Variants in RIMS1 observed in about 807,000 individuals in gnomAD.
RIMS1 encodes regulating synaptic membrane exocytosis 1.
Under a neutral mutation model 214.1 loss-of-function variants are expected in RIMS1, and 83 were observed. The observed-to-expected ratio is 0.39, with a 90% CI of 0.32 to 0.47. RIMS1 has a LOEUF of 0.47. RIMS1 is among the 20% of genes least tolerant of loss of function. The pLI is 0.99. For missense variants in RIMS1, 2,050 were observed against 2,161.8 expected, an observed-to-expected ratio of 0.95 and a Z score of 1.03; for synonymous variants, 793 against 786.8, an observed-to-expected ratio of 1.01 and a Z score of -0.13.
At chr6:72,097,554 T>C (rs1158595649) in intron 3 of RIMS1, among the ~76,000 whole-genome samples, 1 of 152,210 alleles carries the variant, frequency 6.6e-6, no homozygotes, top group Non-Finnish European at 1.5e-5. Context: ...TCAGATTGAA[T>C]GCACGTAAAA....
At chr6:71,889,590 C>G (rs899442617) in intron 1 of RIMS1, among the ~76,000 whole-genome samples, 1 of 152,128 alleles carries the variant, frequency 6.6e-6, no homozygotes, top group Non-Finnish European at 1.5e-5. Flanking sequence ...GTTTTGGAAT[C>G]CCAGTTTGCT....
intron 29 of RIMS1, among the ~76,000 whole-genome samples, chr6:72,367,490 A>G (rs969922050): frequency 2.0e-5 from 3 of 152,196 alleles, no homozygotes; most frequent in Non-Finnish European, 4.4e-5. Flanking sequence ...CAAAGGAAAC[A>G]TATGTGTTAA....
chr6:71,942,258 G>A (rs1455378950), intron 1 of RIMS1, among the ~76,000 whole-genome samples: 1 of 152,110 alleles, frequency 6.6e-6, no homozygotes, highest in Non-Finnish European at 1.5e-5. Context: ...CTAATTCTAT[G>A]TTCATTGCTG....
At chr6:72,137,943 A>G (rs1306153340) in intron 4 of RIMS1, among the ~76,000 whole-genome samples, 4 of 151,852 alleles carry the variant, frequency 2.6e-5, no homozygotes, top group Non-Finnish European at 5.9e-5. Context: ...TCACCATGTT[A>G]GCCAGGATGG....
chr6:72,080,861 G>A (rs1643728926), intron 2 of RIMS1, among the ~76,000 whole-genome samples: 1 of 152,092 alleles, frequency 6.6e-6, no homozygotes, highest in Admixed American at 6.6e-5. Flanking sequence ...TAAAAAAACA[G>A]GGAAATCAGT....
At position 71,969,051 on chromosome 6, in the gene RIMS1, A is replaced by ACCAACCTTC; in HGVS notation, c.234_242dup (p.Gln79_Ser81dup). ...CCAAGAAATGCTGAAAACCAGCCCCACCAACCTTCACCGTGAGTATGGCAT... is the reference window on the plus strand; with the variant it reads ...CCAAGAAATGCTGAAAACCAGCCCCACCAACCTTCCCAACCTTCACCGTGAGTATGGCAT... On this transcript the variant is annotated inframe_insertion, in exon 2 of 34. Coordinates refer to ENST00000521978, the MANE Select transcript of RIMS1 (RefSeq NM_014989.7). 6.2e-7 allele frequency: 1 copy of ACCAACCTTC among 1,613,984 alleles called. No homozygotes were observed. Among genetic ancestry groups the ACCAACCTTC allele is most frequent in the Non-Finnish European group, 8.5e-7 (1 of 1,179,842 alleles).
intron 16 of RIMS1, 52 bp downstream of exon 16, chr6:72,252,884 T>C (rs1464331065): frequency 1.2e-5 from 16 of 1,391,228 alleles, no homozygotes; most frequent in Non-Finnish European, 1.5e-5. Context: ...TTGCTTGTTT[T>C]CTCTGTCAGC....
chr6:72,179,880 T>G lies in RIMS1; in HGVS notation c.777T>G (p.Ala259=). The G allele has an allele frequency of 1.9e-6, 3 of 1,572,280 alleles. No homozygotes were observed. The highest frequency in any genetic ancestry group is 2.6e-6 in the Non-Finnish European group (3 of 1,160,126). The change falls in exon 5 of 34, where the codon GCT becomes GCG. Residue 259 remains alanine (A), a synonymous_variant. Coordinates refer to ENST00000521978, the MANE Select transcript of RIMS1 (RefSeq NM_014989.7). ...CCTTGGGGCCTGAACAGAAGCAGGC[T>G]TCATCCAGGTCTAGAAGTGAACCTC... ...QQALGPEQKQ[A]SSRSRSEPPR... is the part of the protein sequence containing the mutation.
intron 2 of RIMS1, among the ~76,000 whole-genome samples, chr6:72,021,940 C>T (rs755775081): frequency 3.3e-5 from 5 of 152,078 alleles, no homozygotes; most frequent in African/African-American, 1.2e-4. Context: ...TAAAAAGTGG[C>T]CCATGGCCAT....
At chr6:72,153,112 T>G (rs541277945) in intron 4 of RIMS1, among the ~76,000 whole-genome samples, 6 of 146,790 alleles carry the variant, frequency 4.1e-5, no homozygotes, top group South Asian at 2.1e-4. Flanking sequence ...TGTATATATA[T>G]GGAATATATG....
intron 26 of RIMS1, among the ~76,000 whole-genome samples, chr6:72,294,951 C>G (rs1370860281): frequency 6.6e-6 from 1 of 151,624 alleles, no homozygotes; most frequent in African/African-American, 2.4e-5. Context: ...GCAAAGACTT[C>G]CACAAAATTT....
chr6:72,237,587 G>A (rs946600095), intron 8 of RIMS1, among the ~76,000 whole-genome samples: 5 of 150,844 alleles, frequency 3.3e-5, no homozygotes, highest in African/African-American at 4.9e-5. Context: ...AAAGTTAAAG[G>A]ATCACTTGAG....
chr6:72,118,456 T>A (rs1012412293), intron 4 of RIMS1, among the ~76,000 whole-genome samples: 4 of 150,912 alleles, frequency 2.7e-5, no homozygotes, highest in African/African-American at 9.7e-5. Context: ...AAAGATGGAA[T>A]CCTCCCTAAA....
At chr6:72,284,843 T>C (rs2091725824) in intron 24 of RIMS1, among the ~76,000 whole-genome samples, 1 of 152,126 alleles carries the variant, frequency 6.6e-6, no homozygotes. Context: ...TATAGAGGCA[T>C]GCACAGGTAC....
At chr6:72,098,803 T>C (rs1326730429) in intron 3 of RIMS1, among the ~76,000 whole-genome samples, 1 of 152,206 alleles carries the variant, frequency 6.6e-6, no homozygotes, top group African/African-American at 2.4e-5. Context: ...TTCTTATGAC[T>C]CCATAAGTTT....
intron 29 of RIMS1, among the ~76,000 whole-genome samples, chr6:72,350,485 A>G (rs2097408415): frequency 6.6e-6 from 1 of 152,156 alleles, no homozygotes; most frequent in African/African-American, 2.4e-5. Flanking sequence ...CATATTCAGC[A>G]TGTCCTAGAT....
Position 72,182,424 on chromosome 6 carries a change from G to T in RIMS1, c.953G>T (p.Arg318Met), listed in dbSNP as rs777877462. ...CGCAAAGAAAGGCGGGAAAGCCGAA[G>T]GCTTGAGAAAGGGCGATCACAGGAT... is the stretch of plus-strand genomic sequence containing the variant. Reference protein sequence around the residue: ...RERKERRESRRLEKGRSQDYP... With the variant: ...RERKERRESRMLEKGRSQDYP... The change falls in exon 6 of 34, where the codon AGG becomes ATG. Residue 318 changes from arginine (R) to methionine (M), a missense_variant. Around this residue, in one of 6 missense-constraint regions of RIMS1, gnomAD observed 882 missense variants for 828.9 expected, o/e 1.06. Transcript: ENST00000521978. 1.3e-5 allele frequency: 21 copies of T among 1,613,938 alleles called. No individual in the cohort carries two copies. In the South Asian group the frequency reaches 2.1e-4, roughly 16 times the overall value.
intron 24 of RIMS1, among the ~76,000 whole-genome samples, chr6:72,285,471 T>A (rs961840942): frequency 6.6e-6 from 1 of 151,948 alleles, no homozygotes; most frequent in Non-Finnish European, 1.5e-5. Context: ...ATCTGAAAAA[T>A]GAGTAGGTGT....
chr6:72,282,059 T>A (rs961477074), intron 23 of RIMS1, among the ~76,000 whole-genome samples: 2 of 151,998 alleles, frequency 1.3e-5, no homozygotes, highest in African/African-American at 4.8e-5. Context: ...TGAGTGGAAA[T>A]TTTAATGACA....
Sources: allele counts gnomAD v4.1 joint callset (sites outside exome capture counted in the v4.1 genomes callset), GRCh38; gene constraint gnomAD v4.1.1; regional missense constraint gnomAD v4.1.1; transcripts MANE v1.5; gene names NCBI Gene and HGNC (gene_info 2026-07-23, HGNC 2026-07-21).